The following HTR1E variants were observed in gnomAD, a reference collection of about 807,000 sequenced individuals.
The protein encoded by HTR1E is 5-HT-1E.
In HTR1E, 3 loss-of-function variants were observed where a neutral mutation model predicts 3.4. The ratio of observed to expected loss-of-function variants is 0.89; its 90% CI spans 0.41 to 2.31. The LOEUF (loss-of-function observed/expected upper bound fraction) is 2.31, where lower values mean the gene tolerates loss of function less well. HTR1E is among the 30% of genes most tolerant of loss of function. HTR1E has a pLI of 0.05. For missense variants in HTR1E, 392 were observed against 467.0 expected, an observed-to-expected ratio of 0.84 and a Z score of 1.48; for synonymous variants, 170 against 182.8, an observed-to-expected ratio of 0.93 and a Z score of 0.56.
At chr6:86,956,224 T>C (rs1307081452) in intron 1 of HTR1E, among the ~76,000 whole-genome samples, 1 of 152,214 alleles carries the variant, frequency 6.6e-6, no homozygotes, top group Admixed American at 6.5e-5. Flanking sequence ...CTACATTCTA[T>C]AAAGAATCCT....
chr6:87,008,589 G>A (rs1768153393), intron 1 of HTR1E, among the ~76,000 whole-genome samples: 1 of 152,196 alleles, frequency 6.6e-6, no homozygotes, highest in Non-Finnish European at 1.5e-5. Flanking sequence ...GTACATCAAT[G>A]TCCAAAAGCA....
intron 1 of HTR1E, among the ~76,000 whole-genome samples, chr6:86,978,511 T>C (rs1767669391): frequency 6.6e-6 from 1 of 152,224 alleles, no homozygotes; most frequent in Non-Finnish European, 1.5e-5. Flanking sequence ...CATTTATGTC[T>C]TGATAACATT....
chr6:86,992,128 A>G (rs770964520), intron 1 of HTR1E, among the ~76,000 whole-genome samples: 5 of 152,050 alleles, frequency 3.3e-5, no homozygotes, highest in African/African-American at 4.8e-5. Flanking sequence ...AAAAATCTCA[A>G]CCACCCGCTT....
intron 1 of HTR1E, among the ~76,000 whole-genome samples, chr6:87,005,512 TG>T (rs759254979): frequency 6.6e-6 from 1 of 152,186 alleles, no homozygotes; most frequent in African/African-American, 2.4e-5. Flanking sequence ...CAATAAATGC[TG>T]CCGGGAGAAC....
chr6:86,940,450 C>T lies in HTR1E; in HGVS notation c.-186+2627C>T, dbSNP rs548348153. On this transcript the variant is annotated intron_variant, in intron 1 of 1. Coordinates refer to ENST00000305344, the MANE Select transcript of HTR1E (RefSeq NM_000865.3). ...ACTTGGGAGGTTGAAGTGAGAGGAT[C>T]GCTTGAGCCCAGAAAGCCAAAGTTG... is the stretch of plus-strand genomic sequence containing the variant. Among the ~76,000 whole-genome samples, 49 of 152,232 alleles carry T rather than the reference C, an allele frequency of 3.2e-4. No individual in the cohort carries two copies. The South Asian group carries it at 5.8e-3, about 18-fold the overall frequency.
chr6:86,979,323 G>A (rs72912487), intron 1 of HTR1E, among the ~76,000 whole-genome samples: 21,225 of 152,138 alleles, frequency 0.14, 1,835 homozygotes, highest in East Asian at 0.27. Flanking sequence ...TTATGTATGT[G>A]TATATACTTT....
At chr6:86,964,088 G>A (rs2127820905) in intron 1 of HTR1E, among the ~76,000 whole-genome samples, 1 of 152,234 alleles carries the variant, frequency 6.6e-6, no homozygotes, top group East Asian at 1.9e-4. Flanking sequence ...AAGAAGAGAG[G>A]CACCTTCCCT....
At chr6:86,980,774 T>G (rs1440345508) in intron 1 of HTR1E, among the ~76,000 whole-genome samples, 1 of 152,204 alleles carries the variant, frequency 6.6e-6, no homozygotes, top group African/African-American at 2.4e-5. Flanking sequence ...AGTAAAGTGT[T>G]TATGTAAACT....
At chr6:86,990,120 G>A (rs1767852286) in intron 1 of HTR1E, among the ~76,000 whole-genome samples, 1 of 152,186 alleles carries the variant, frequency 6.6e-6, no homozygotes, top group Non-Finnish European at 1.5e-5. Context: ...GATTCAAAAG[G>A]CAAATGTGTG....
chr6:86,976,923 A>T (rs542791095), intron 1 of HTR1E, among the ~76,000 whole-genome samples: 1 of 152,228 alleles, frequency 6.6e-6, no homozygotes, highest in Non-Finnish European at 1.5e-5. Flanking sequence ...ACACAATAAA[A>T]CTTAAGGGAA....
At chr6:86,979,874 G>GT (rs1767686979) in intron 1 of HTR1E, among the ~76,000 whole-genome samples, 1 of 152,166 alleles carries the variant, frequency 6.6e-6, no homozygotes, top group Non-Finnish European at 1.5e-5. Flanking sequence ...AGTCATGGTG[G>GT]TAGAAGGATG....
chr6:86,971,273 A>G (rs1767551161), intron 1 of HTR1E: 1 of 314,926 alleles, frequency 3.2e-6, no homozygotes, highest in Non-Finnish European at 6.1e-6. Flanking sequence ...TAAAATGATA[A>G]TAATATAACA....
rs145543225 is a variant in HTR1E at position 86,958,050 on chromosome 6, T to C, written c.-186+20227T>C. On this transcript the variant is annotated intron_variant, in intron 1 of 1. Transcript: ENST00000305344. ...CAGGAGGCATGCATTCCTTGACCAA[T>C]AGAGGCATTTTTTTTTTTTTTTTTT... is the stretch of plus-strand genomic sequence containing the variant. 3.8e-3 allele frequency among the ~76,000 whole-genome samples: 569 copies of C among 150,562 alleles called. 3 individuals carry two copies. Among genetic ancestry groups the C allele is most frequent in the African/African-American group, 0.013 (544 of 40,902 alleles).
At chr6:86,961,965 C>T (rs749310293) in intron 1 of HTR1E, among the ~76,000 whole-genome samples, 1 of 152,168 alleles carries the variant, frequency 6.6e-6, no homozygotes. Context: ...TAGTTAGTTA[C>T]GTGCATGCCT....
At chr6:87,010,181 G>A (rs1454843478) in intron 1 of HTR1E, among the ~76,000 whole-genome samples, 3 of 113,810 alleles carry the variant, frequency 2.6e-5, no homozygotes, top group African/African-American at 1.1e-4. Flanking sequence ...CTGGCCGGGC[G>A]GGGGGCCGAC....
intron 1 of HTR1E, chr6:86,970,961 G>T: frequency 2.6e-6 from 1 of 379,760 alleles, no homozygotes; most frequent in South Asian, 2.3e-5. Context: ...CGCCTTGACA[G>T]ATAACACTTT....
At chr6:86,971,122 A>G (rs1767548058) in intron 1 of HTR1E, 1 of 510,566 alleles carries the variant, frequency 2.0e-6, no homozygotes, top group South Asian at 1.4e-5. Context: ...AAGACCACTC[A>G]TTTTGTAGAA....
chr6:87,003,548 A>G (rs973576477), intron 1 of HTR1E, among the ~76,000 whole-genome samples: 2 of 151,940 alleles, frequency 1.3e-5, no homozygotes, highest in Non-Finnish European at 2.9e-5. Context: ...CAAAAAAAAA[A>G]AAAGAAAAAA....
At chr6:86,974,996 G>T (rs1767609510) in intron 1 of HTR1E, among the ~76,000 whole-genome samples, 1 of 152,086 alleles carries the variant, frequency 6.6e-6, no homozygotes, top group African/African-American at 2.4e-5. Flanking sequence ...AGTTCTACAA[G>T]GACTCCTGGT....
Sources: gnomAD v4.1 joint callset for allele counts (sites outside exome capture counted in the v4.1 genomes callset) on GRCh38, gnomAD v4.1.1 for gene constraint, MANE v1.5 for transcripts, NCBI Gene and HGNC (gene_info 2026-07-23, HGNC 2026-07-21) for gene names.